The following FNDC3B variants were observed in gnomAD, a reference collection of about 807,000 sequenced individuals.
FNDC3B encodes the protein fibronectin type III domain containing 3B.
Under a neutral mutation model 151.5 loss-of-function variants are expected in FNDC3B, and 12 were observed. The observed-to-expected ratio is 0.08, with a 90% CI of 0.05 to 0.13. The LOEUF is 0.13. Among genes scored for constraint, FNDC3B ranks in the 10% least tolerant of loss-of-function variants. FNDC3B has a pLI of 1.00. For synonymous variants in FNDC3B, 528 were observed against 549.0 expected (o/e 0.96, Z 0.54); for missense variants, 1,214 against 1,505.3 (o/e 0.81, Z 3.20).
chr3:172,389,890 A>T (rs1735919035), intron 25 of FNDC3B, among the ~76,000 whole-genome samples: 1 of 152,300 alleles, frequency 6.6e-6, no homozygotes, highest in African/African-American at 2.4e-5. Context: ...ATTCACGTGC[A>T]TAAAATATAC....
intron 5 of FNDC3B, among the ~76,000 whole-genome samples, chr3:172,249,543 A>C (rs544839095): frequency 1.7e-4 from 26 of 152,326 alleles, no homozygotes; most frequent in African/African-American, 6.3e-4. Flanking sequence ...CTTAGTGTGC[A>C]TACCTAAAAG....
chr3:172,250,296 C>T (rs921956055), intron 5 of FNDC3B, among the ~76,000 whole-genome samples: 2 of 152,150 alleles, frequency 1.3e-5, no homozygotes, highest in African/African-American at 4.8e-5. Context: ...TTTGAGACCA[C>T]AGCTTATTAT....
intron 11 of FNDC3B, among the ~76,000 whole-genome samples, chr3:172,322,296 G>T (rs547864166): frequency 6.6e-6 from 1 of 152,296 alleles, no homozygotes; most frequent in East Asian, 1.9e-4. Context: ...CACATGGCCT[G>T]GGGTTCCCAC....
chr3:172,399,047 A>G lies in FNDC3B; in HGVS notation c.*1572A>G, dbSNP rs1014060982. ...TACTTGGTTTTTCTTGATCATAGCT[A>G]TTTTGTGCTTGATCTTTATTGTCTA... On this transcript the variant is annotated 3_prime_UTR_variant, in exon 26 of 26. Transcript: ENST00000415807. 6.6e-6 allele frequency: 1 copy of G among 152,528 alleles called. No homozygotes were observed. 9.4% of individuals were successfully genotyped at this position (152,528 alleles called of 1,614,324 possible).
intron 3 of FNDC3B, among the ~76,000 whole-genome samples, chr3:172,217,371 A>T (rs1015140024): frequency 9.9e-5 from 15 of 152,186 alleles, no homozygotes; most frequent in Non-Finnish European, 1.9e-4. Flanking sequence ...GGATTCACCA[A>T]CTTTCTGTAC....
chr3:172,084,470 T>TACACACACACAC (rs774135456), intron 1 of FNDC3B, among the ~76,000 whole-genome samples: 5,530 of 46,384 alleles, frequency 0.12, 207 homozygotes, highest in East Asian at 0.32. Flanking sequence ...TATGTATATG[T>TACACACACACAC]ATACACACAC....
intron 23 of FNDC3B, 44 bp from the exon 24 acceptor site, chr3:172,378,226 T>C: frequency 1.3e-6 from 2 of 1,506,712 alleles, no homozygotes; most frequent in Non-Finnish European, 1.8e-6. Flanking sequence ...TTCTTGTCAT[T>C]AGTAGACGTT....
intron 6 of FNDC3B, among the ~76,000 whole-genome samples, chr3:172,275,301 A>AG (rs1015840181): frequency 1.3e-5 from 2 of 151,982 alleles, no homozygotes; most frequent in African/African-American, 4.8e-5. Context: ...TTTCATTCTG[A>AG]GGGGGGGAAA....
intron 1 of FNDC3B, among the ~76,000 whole-genome samples, chr3:172,054,285 GTTAA>G (rs1483932030): frequency 6.6e-6 from 1 of 152,224 alleles, no homozygotes; most frequent in African/African-American, 2.4e-5. Flanking sequence ...AGCTCCTGCA[GTTAA>G]TTAAAGGTGA....
At chr3:172,073,323 T>C (rs1179979933) in intron 1 of FNDC3B, among the ~76,000 whole-genome samples, 1 of 152,200 alleles carries the variant, frequency 6.6e-6, no homozygotes, top group Non-Finnish European at 1.5e-5. Flanking sequence ...TTTGCCCACT[T>C]TCCATTTGTA....
intron 11 of FNDC3B, among the ~76,000 whole-genome samples, chr3:172,319,353 C>T (rs535711938): frequency 6.6e-6 from 1 of 152,276 alleles, no homozygotes; most frequent in East Asian, 1.9e-4. Flanking sequence ...CATCGATCCT[C>T]TCAAAGCATT....
intron 3 of FNDC3B, among the ~76,000 whole-genome samples, chr3:172,204,751 T>G (rs1220461516): frequency 6.6e-6 from 1 of 152,216 alleles, no homozygotes; most frequent in African/African-American, 2.4e-5. Flanking sequence ...CAAAGTCTAG[T>G]ATTCGCTGCA....
chr3:172,346,560 T>TTTTC, intron 20 of FNDC3B, 120 bp downstream of exon 20: 1 of 605,236 alleles, frequency 1.7e-6, no homozygotes, highest in South Asian at 2.2e-5. Context: ...TTTTTTTTTT[T>TTTTC]TGCTCTGTGT....
chr3:172,309,757 C>T (rs1397940800), intron 10 of FNDC3B, among the ~76,000 whole-genome samples: 1 of 152,138 alleles, frequency 6.6e-6, no homozygotes, highest in African/African-American at 2.4e-5. Context: ...CTGAGTGCTT[C>T]CTATAAAACT....
chr3:172,391,208 C>T (rs946039355), intron 25 of FNDC3B, among the ~76,000 whole-genome samples: 1 of 152,178 alleles, frequency 6.6e-6, no homozygotes, highest in Non-Finnish European at 1.5e-5. Context: ...ATGATATTCA[C>T]CTGACAGCAT....
At chr3:172,274,642 G>T (rs2108808297) in intron 6 of FNDC3B, among the ~76,000 whole-genome samples, 1 of 152,248 alleles carries the variant, frequency 6.6e-6, no homozygotes, top group South Asian at 2.1e-4. Flanking sequence ...GCACAAACTA[G>T]GTAGCTTACA....
chr3:172,320,997 G>C (rs1732053139), intron 11 of FNDC3B, among the ~76,000 whole-genome samples: 1 of 152,170 alleles, frequency 6.6e-6, no homozygotes, highest in Non-Finnish European at 1.5e-5. Context: ...CTAAATATTA[G>C]TTGCATTTTA....
At chr3:172,177,626 CTTTT>C (rs10684671) in intron 3 of FNDC3B, among the ~76,000 whole-genome samples, 5 of 84,816 alleles carry the variant, frequency 5.9e-5, no homozygotes, top group Admixed American at 1.3e-4. Flanking sequence ...TTACCACCAT[CTTTT>C]TTTTTTTTTT....
chr3:172,226,872 A>G lies in FNDC3B; in HGVS notation c.189A>G (p.Gly63=). 6.2e-7 allele frequency: 1 copy of G among 1,605,668 alleles called. No individual in the cohort carries two copies. Among genetic ancestry groups the G allele is most frequent in the Non-Finnish European group, 8.5e-7 (1 of 1,172,370 alleles). ...TAACATCTGACTCGTCTGTTTTAGG[A>G]CCTGCTGAAGTTCCCATGATGTCAC... is the stretch of plus-strand genomic sequence containing the variant. ...AEDGTLQCIQ[G]PAEVPMMSPN... Residue 63 remains glycine (G), a splice_region_variant and synonymous_variant, in exon 4 of 26, where the codon GGA becomes GGG. Coordinates refer to ENST00000415807, the MANE Select transcript of FNDC3B (RefSeq NM_022763.4).
Sources: gnomAD v4.1 joint callset for allele counts (sites outside exome capture counted in the v4.1 genomes callset) on GRCh38, gnomAD v4.1.1 for gene constraint, MANE v1.5 for transcripts, NCBI Gene and HGNC (gene_info 2026-07-23, HGNC 2026-07-21) for gene names.